Variants in NMT1 observed in about 807,000 individuals in gnomAD.
NMT1 encodes N-myristoyltransferase 1, also known as glycylpeptide N-tetradecanoyltransferase 1.
Under a neutral mutation model 63.4 loss-of-function variants are expected in NMT1, and 12 were observed. The ratio of observed to expected loss-of-function variants is 0.19; its 90% CI spans 0.12 to 0.31. The LOEUF (loss-of-function observed/expected upper bound fraction) is 0.31, where lower values mean the gene tolerates loss of function less well. Among genes scored for constraint, NMT1 ranks in the 10% least tolerant of loss-of-function variants. The pLI, the probability that NMT1 is intolerant of heterozygous loss-of-function variation, is 1.00. For missense variants in NMT1, 432 were observed against 634.6 expected, an observed-to-expected ratio of 0.68 and a Z score of 3.43; for synonymous variants, 228 against 234.3, an observed-to-expected ratio of 0.97 and a Z score of 0.25.
rs2053862161 is a variant in NMT1 at position 45,061,726 on chromosome 17, G to A, written c.131+266G>A. On this transcript the variant is annotated intron_variant, in intron 1 of 11. Transcript: ENST00000258960. ...ACTCGTGTGCTTCAGGCCATTCCTG[G>A]GAAAAGAGCATGTTGGACGATGGTT... The A allele has an allele frequency of 8.3e-6, 3 of 361,000 alleles. No homozygotes were observed. The South Asian group carries it at 1.1e-4, about 13-fold the overall frequency. 22.4% of individuals were successfully genotyped at this position (361,000 alleles called of 1,614,324 possible).
chr17:45,097,131 T>A lies in NMT1; in HGVS notation c.600T>A (p.Ala200=). The A allele has an allele frequency of 6.2e-7, 1 of 1,613,954 alleles. No homozygotes were observed. The highest frequency in any genetic ancestry group is 8.5e-7 in the Non-Finnish European group (1 of 1,179,824). ...CACCCCAGCCTCTCTTTTCCAGGGC[T>A]CTCCGGCCACCCGGCTGGCTCCCCC... ...FDYSPEFLLW[A]LRPPGWLPQW... The change falls in exon 6 of 12, where the codon GCT becomes GCA. Residue 200 remains alanine (A), a synonymous_variant. Coordinates refer to ENST00000258960, the MANE Select transcript of NMT1 (RefSeq NM_021079.5).
At chr17:45,061,572 G>C in intron 1 of NMT1, 112 bp downstream of exon 1, 1 of 909,404 alleles carries the variant, frequency 1.1e-6, no homozygotes, top group South Asian at 1.8e-5. Context: ...GTTCTTATTG[G>C]CTAAGTCACT....
Position 45,088,364 on chromosome 17 carries a change from A to G in NMT1, c.385+1712A>G, listed in dbSNP as rs780200546. 2.2e-4 allele frequency among the ~76,000 whole-genome samples: 33 copies of G among 152,318 alleles called. 1 individual carries two copies. Among genetic ancestry groups the G allele is most frequent in the Admixed American group, 1.5e-3 (23 of 15,304 alleles). On this transcript the variant is annotated intron_variant, in intron 3 of 11. Coordinates refer to ENST00000258960, the MANE Select transcript of NMT1 (RefSeq NM_021079.5). ...CCATGTATCTTGGCTCTGTTTTCAG[A>G]TGGCATTTTGGAGTTTTGGTTTGAT...
At position 45,097,131 on chromosome 17, in the gene NMT1, T is replaced by C; in HGVS notation, c.600T>C (p.Ala200=). The C allele has an allele frequency of 6.2e-7, 1 of 1,613,954 alleles. No homozygotes were observed. Residue 200 remains alanine (A), a synonymous_variant, in exon 6 of 12, where the codon GCT becomes GCC. Transcript: ENST00000258960. ...CACCCCAGCCTCTCTTTTCCAGGGC[T>C]CTCCGGCCACCCGGCTGGCTCCCCC... is the stretch of plus-strand genomic sequence containing the variant. The part of the protein sequence containing the change: ...FDYSPEFLLW[A]LRPPGWLPQW...
intron 2 of NMT1, 102 bp from the exon 3 acceptor site, chr17:45,086,406 T>A: frequency 8.0e-7 from 1 of 1,254,838 alleles, no homozygotes; most frequent in East Asian, 2.7e-5. Flanking sequence ...ATTACAGGCA[T>A]GAGCCACTGC....
Position 45,103,396 on chromosome 17 carries a change from G to A in NMT1, c.1164+275G>A, listed in dbSNP as rs1401570777. ...CCTTCAGGAAAGCCTGCAATTCCCTGCCTGTCCCAGCTTAACCCAGTGCTG... is the reference window on the plus strand; with the variant it reads ...CCTTCAGGAAAGCCTGCAATTCCCTACCTGTCCCAGCTTAACCCAGTGCTG... On this transcript the variant is annotated intron_variant, in intron 9 of 11. Coordinates refer to ENST00000258960, the MANE Select transcript of NMT1 (RefSeq NM_021079.5). The surrounding 1 kb of genome is among the most constrained non-coding windows in gnomAD (Gnocchi z 4.8). Among the ~76,000 whole-genome samples the A allele has an allele frequency of 6.6e-6, 1 of 152,188 alleles. No individual in the cohort carries two copies. Among genetic ancestry groups the A allele is most frequent in the Non-Finnish European group, 1.5e-5 (1 of 68,030 alleles).
intron 1 of NMT1, among the ~76,000 whole-genome samples, chr17:45,080,615 C>T (rs1380464714): frequency 1.4e-5 from 2 of 146,268 alleles, no homozygotes; most frequent in East Asian, 2.0e-4. Flanking sequence ...ACTACAGGCG[C>T]CCGCCACCGT....
chr17:45,062,130 TG>T (rs1343187850), intron 1 of NMT1, among the ~76,000 whole-genome samples: 1 of 152,220 alleles, frequency 6.6e-6, no homozygotes, highest in Non-Finnish European at 1.5e-5. Flanking sequence ...CTTCAAGAAA[TG>T]AGCGATGTTG....
chr17:45,076,955 C>T (rs2053981533), intron 1 of NMT1, among the ~76,000 whole-genome samples: 1 of 152,090 alleles, frequency 6.6e-6, no homozygotes. Context: ...TAAAGCAGAA[C>T]AAGAGTTCAG....
chr17:45,096,340 AC>A, intron 5 of NMT1, 55 bp downstream of exon 5: 3 of 1,352,698 alleles, frequency 2.2e-6, no homozygotes, highest in Non-Finnish European at 3.2e-6. Flanking sequence ...GAGCAGATCC[AC>A]CAGAGGGCAC....
At chr17:45,066,539 A>G (rs536388411) in intron 1 of NMT1, among the ~76,000 whole-genome samples, 1 of 151,472 alleles carries the variant, frequency 6.6e-6, no homozygotes, top group East Asian at 2.0e-4. Flanking sequence ...AAATCACTTG[A>G]GCTCAGGAGT....
At chr17:45,097,275 C>G in intron 6 of NMT1, 31 bp downstream of exon 6, 5 of 1,464,606 alleles carry the variant, frequency 3.4e-6, no homozygotes, top group Non-Finnish European at 4.8e-6. Flanking sequence ...CCACCCCCCA[C>G]AACACCGCCA....
At chr17:45,069,116 G>C (rs150953923) in intron 1 of NMT1, among the ~76,000 whole-genome samples, 164 of 151,222 alleles carry the variant, frequency 1.1e-3, no homozygotes, top group African/African-American at 3.7e-3. Flanking sequence ...GCCTGCCACT[G>C]TGCCTAACTA....
At chr17:45,083,921 T>C (rs1391090303) in intron 2 of NMT1, among the ~76,000 whole-genome samples, 1 of 152,188 alleles carries the variant, frequency 6.6e-6, no homozygotes, top group East Asian at 1.9e-4. Context: ...GAGAATTTAT[T>C]TAATAAACTG....
intron 1 of NMT1, among the ~76,000 whole-genome samples, chr17:45,077,125 G>A (rs1314067387): frequency 6.6e-6 from 1 of 152,130 alleles, no homozygotes; most frequent in East Asian, 1.9e-4. Flanking sequence ...TTCCCCATGT[G>A]AAATTATGTT....
intron 1 of NMT1, among the ~76,000 whole-genome samples, chr17:45,063,579 CT>C (rs1340990700): frequency 6.6e-6 from 1 of 152,164 alleles, no homozygotes; most frequent in Non-Finnish European, 1.5e-5. Flanking sequence ...CTGTGAATCA[CT>C]TTTCAAAACT....
At chr17:45,086,147 G>A (rs1281088304) in intron 2 of NMT1, among the ~76,000 whole-genome samples, 7 of 122,884 alleles carry the variant, frequency 5.7e-5, no homozygotes, top group East Asian at 2.3e-4. Flanking sequence ...TTTTTGAGAC[G>A]GAGTCTAGCT....
In NMT1 at chr17:45,081,688, A is replaced by G. The variant is rs1468231466; in HGVS notation, c.176A>G (p.Lys59Arg). ...ANDTGAKKKK[K>R]KQKKKKEKGS... ...GACACTGGAGCCAAAAAGAAGAAAA[A>G]GAAACAAAAAAAGAAGAAAGAAAAA... Residue 59 changes from lysine (K) to arginine (R), a missense_variant, in exon 2 of 12, where the codon AAG becomes AGG. Physicochemically the swap from Lys to Arg is conservative, Grantham distance 26 (BLOSUM62 2). This residue lies in a region of NMT1 where 121 missense variants were observed against 103.7 expected (regional missense o/e 1.17). Transcript: ENST00000258960. 2 of 1,613,312 alleles carry G rather than the reference A, an allele frequency of 1.2e-6. No individual in the cohort carries two copies. The highest frequency in any genetic ancestry group is 1.7e-5 in the Admixed American group (1 of 59,902).
rs1291739811 is a variant in NMT1 at position 45,093,762 on chromosome 17, G to A, written c.463G>A (p.Gly155Ser). ...CCAGGAGCCCTACACCCTGCCCCAG[G>A]GCTTCACCTGGGATGCTTTGGACCT... is the stretch of plus-strand genomic sequence containing the variant. ...IRQEPYTLPQ[G>S]FTWDALDLGD... The change falls in exon 4 of 12, where the codon GGC becomes AGC. Residue 155 changes from glycine (G) to serine (S), a missense_variant. Physicochemically the swap from Gly to Ser is moderately conservative, Grantham distance 56. Coordinates refer to ENST00000258960, the MANE Select transcript of NMT1 (RefSeq NM_021079.5). 3 of 1,614,244 alleles carry A rather than the reference G, an allele frequency of 1.9e-6. No individual in the cohort carries two copies. The highest frequency in any genetic ancestry group is 2.2e-5 in the South Asian group (2 of 91,088).
Sources: gnomAD v4.1 joint callset for allele counts (sites outside exome capture counted in the v4.1 genomes callset) on GRCh38, gnomAD v4.1.1 for gene constraint, gnomAD v4.1.1 regional missense constraint, Gnocchi (gnomAD v3.1) non-coding constraint, MANE v1.5 for transcripts, NCBI Gene and HGNC (gene_info 2026-07-23, HGNC 2026-07-21) for gene names.